The following TAF4B variants were observed in gnomAD, a reference collection of about 807,000 sequenced individuals.
The protein encoded by TAF4B is TATA-box binding protein associated factor 4b, also known as transcription initiation factor TFIID subunit 4B.
In TAF4B, 38 loss-of-function variants were observed where a neutral mutation model predicts 86.4. That is an observed-to-expected ratio of 0.44 (90% CI 0.34 to 0.58). TAF4B has a LOEUF of 0.58. TAF4B is among the 20% of genes least tolerant of loss of function. The probability of loss-of-function intolerance (pLI) is 0.02; values close to 1 mark genes in which losing one functional copy is unlikely to be tolerated. For synonymous variants in TAF4B, 388 were observed against 391.2 expected (o/e 0.99, Z 0.10); for missense variants, 988 against 1,027.6 (o/e 0.96, Z 0.53).
intron 14 of TAF4B, among the ~76,000 whole-genome samples, chr18:26,387,871 T>G (rs1262573241): frequency 6.6e-6 from 1 of 152,204 alleles, no homozygotes; most frequent in Non-Finnish European, 1.5e-5. Context: ...AGAAGTTTTA[T>G]TTGTCCGTCA....
At chr18:26,320,677 A>AC (rs2056954370) in intron 10 of TAF4B, among the ~76,000 whole-genome samples, 5 of 152,234 alleles carry the variant, frequency 3.3e-5, no homozygotes, top group African/African-American at 7.2e-5. Flanking sequence ...ATAAATTGTT[A>AC]ACAGTGTCAA....
intron 1 of TAF4B, among the ~76,000 whole-genome samples, chr18:26,244,052 G>A (rs997800270): frequency 1.3e-5 from 2 of 152,208 alleles, no homozygotes; most frequent in Non-Finnish European, 2.9e-5. Context: ...TGAGGAGGCA[G>A]TCTATCCAAT....
chr18:26,275,903 C>T (rs1432371390), intron 5 of TAF4B, among the ~76,000 whole-genome samples: 1 of 151,276 alleles, frequency 6.6e-6, no homozygotes, highest in Non-Finnish European at 1.5e-5. Flanking sequence ...GTAATCCCAG[C>T]TACTTGGAAG....
chr18:26,297,164 C>A (rs1036394768), intron 9 of TAF4B, among the ~76,000 whole-genome samples: 1 of 150,846 alleles, frequency 6.6e-6, no homozygotes. Flanking sequence ...AGAAGTGAAT[C>A]TCTAAATTTA....
chr18:26,280,052 A>G (rs2056429146), intron 5 of TAF4B, among the ~76,000 whole-genome samples: 2 of 152,094 alleles, frequency 1.3e-5, no homozygotes, highest in African/African-American at 4.8e-5. Flanking sequence ...TCAAAAAAAA[A>G]AAAAAGTAGT....
chr18:26,285,615 G>A (rs2056510109), intron 6 of TAF4B, among the ~76,000 whole-genome samples: 1 of 152,114 alleles, frequency 6.6e-6, no homozygotes, highest in African/African-American at 2.4e-5. Context: ...GTATAATACA[G>A]TGTTTACCAA....
At chr18:26,227,372 C>A in intron 1 of TAF4B, 96 bp downstream of exon 1, 1 of 1,079,354 alleles carries the variant, frequency 9.3e-7, no homozygotes, top group Non-Finnish European at 1.4e-6. Context: ...AACTGAGCCA[C>A]GGGAACATTT....
At chr18:26,384,654 G>A (rs1978314372) in intron 14 of TAF4B, among the ~76,000 whole-genome samples, 1 of 152,090 alleles carries the variant, frequency 6.6e-6, no homozygotes, top group Admixed American at 6.5e-5. Context: ...ACTACGGGAT[G>A]GGAAAAAAGG....
At chr18:26,280,661 G>C (rs1462586628) in intron 5 of TAF4B, among the ~76,000 whole-genome samples, 1 of 152,130 alleles carries the variant, frequency 6.6e-6, no homozygotes, top group Admixed American at 6.6e-5. Context: ...AGATGCTGGT[G>C]GGGCTGCAAA....
At chr18:26,262,361 AAG>A (rs1343380493) in intron 1 of TAF4B, among the ~76,000 whole-genome samples, 1 of 152,108 alleles carries the variant, frequency 6.6e-6, no homozygotes, top group Non-Finnish European at 1.5e-5. Flanking sequence ...TGAGAAGGGA[AAG>A]AGAGGGGAGT....
chr18:26,334,969 C>T (rs747879581), intron 12 of TAF4B, among the ~76,000 whole-genome samples: 2 of 152,150 alleles, frequency 1.3e-5, no homozygotes, highest in Non-Finnish European at 2.9e-5. Context: ...TAAGCTTCCT[C>T]CAGGCTAGAA....
chr18:26,276,992 C>A (rs1293665956), intron 5 of TAF4B, among the ~76,000 whole-genome samples: 1 of 152,066 alleles, frequency 6.6e-6, no homozygotes, highest in Admixed American at 6.5e-5. Flanking sequence ...TTTTAGGATA[C>A]CTTTAAATTC....
At chr18:26,257,710 T>C (rs563609359) in intron 1 of TAF4B, among the ~76,000 whole-genome samples, 11 of 152,288 alleles carry the variant, frequency 7.2e-5, no homozygotes, top group African/African-American at 2.6e-4. Context: ...TTTGAGTGTT[T>C]TTCTTAGAGG....
Position 26,282,160 on chromosome 18 carries a change from A to T in TAF4B, c.972+100A>T, listed in dbSNP as rs929563594. On this transcript the variant is annotated intron_variant, in intron 6 of 14. Coordinates refer to ENST00000269142, the MANE Select transcript of TAF4B (RefSeq NM_005640.3). ...AATATGACAGCAATTGAATGTGAAGATACTGACAGTGTGGGAGAAACCTCT... is the reference window on the plus strand; with the variant it reads ...AATATGACAGCAATTGAATGTGAAGTTACTGACAGTGTGGGAGAAACCTCT... 5.1e-6 allele frequency: 5 copies of T among 978,812 alleles called. No individual in the cohort carries two copies. In the South Asian group the frequency reaches 7.2e-5, roughly 14 times the overall value. The allele number at this position is 978,812 out of a possible 1,614,324, so 60.6% of individuals were successfully genotyped here.
At chr18:26,324,812 A>G (rs535973781) in intron 11 of TAF4B, among the ~76,000 whole-genome samples, 27 of 152,348 alleles carry the variant, frequency 1.8e-4, no homozygotes, top group Non-Finnish European at 3.4e-4. Flanking sequence ...TTAAGTCAAA[A>G]TAATTATCAT....
chr18:26,346,827 ATATATATATGTGTGTGTG>A (rs1567913923), intron 13 of TAF4B, among the ~76,000 whole-genome samples: 21 of 25,972 alleles, frequency 8.1e-4, no homozygotes, highest in South Asian at 1.6e-3. Context: ...GTGTGTGTAT[ATATATATATGTGTGTGTG>A]TATATATATA....
chr18:26,250,496 CAAA>C (rs9304494), intron 1 of TAF4B, among the ~76,000 whole-genome samples: 21,777 of 135,626 alleles, frequency 0.16, 1,828 homozygotes, highest in African/African-American at 0.22. Context: ...GACTCCATCT[CAAA>C]AAAAAAAAAA....
chr18:26,230,125 T>TC (rs2055643376), intron 1 of TAF4B, among the ~76,000 whole-genome samples: 1 of 152,144 alleles, frequency 6.6e-6, no homozygotes, highest in Non-Finnish European at 1.5e-5. Context: ...TGTGAACATG[T>TC]GGGGTTTTAG....
chr18:26,256,546 T>C (rs2056087198), intron 1 of TAF4B, among the ~76,000 whole-genome samples: 1 of 152,026 alleles, frequency 6.6e-6, no homozygotes, highest in South Asian at 2.1e-4. Context: ...TTTCTTCTGC[T>C]TGCTTTAGTT....
Sources: allele counts gnomAD v4.1 joint callset (sites outside exome capture counted in the v4.1 genomes callset), GRCh38; gene constraint gnomAD v4.1.1; transcripts MANE v1.5; gene names NCBI Gene and HGNC (gene_info 2026-07-23, HGNC 2026-07-21).